The following DISC1 variants were observed in gnomAD, a reference collection of about 807,000 sequenced individuals.
DISC1 encodes the protein DISC1 scaffold protein, also known as disrupted in schizophrenia 1 protein.
A neutral mutation model predicts 84.5 loss-of-function variants in DISC1; 57 were observed. The observed-to-expected ratio is 0.67, with a 90% confidence interval of 0.55 to 0.84. DISC1 has a LOEUF of 0.84. DISC1 is among the 40% of genes least tolerant of loss of function. The probability of loss-of-function intolerance (pLI) is 0.00; values close to 1 mark genes in which losing one functional copy is unlikely to be tolerated. For missense variants in DISC1, 1,000 were observed against 1,057.8 expected (o/e 0.95, Z 0.76); for synonymous variants, 411 against 415.2 (o/e 0.99, Z 0.12).
intron 2 of DISC1, among the ~76,000 whole-genome samples, chr1:231,695,578 T>C (rs1402956774): frequency 6.6e-6 from 1 of 151,752 alleles, no homozygotes; most frequent in Non-Finnish European, 1.5e-5. Flanking sequence ...TGTGTGTGCA[T>C]ATGTGTTTGT....
intron 3 of DISC1, among the ~76,000 whole-genome samples, chr1:231,731,528 C>A (rs918576185): frequency 6.6e-6 from 1 of 152,122 alleles, no homozygotes; most frequent in African/African-American, 2.4e-5. Context: ...CCATTGCCTC[C>A]CTGTTTTAAC....
intron 10 of DISC1, among the ~76,000 whole-genome samples, chr1:232,004,767 A>G (rs1667124702): frequency 6.6e-6 from 1 of 152,166 alleles, no homozygotes; most frequent in Non-Finnish European, 1.5e-5. Flanking sequence ...TGTTGTTTCT[A>G]GTATGGACCA....
At chr1:231,696,065 G>A (rs2125674774) in intron 2 of DISC1, among the ~76,000 whole-genome samples, 1 of 152,202 alleles carries the variant, frequency 6.6e-6, no homozygotes, top group Admixed American at 6.5e-5. Context: ...TCCAATATTG[G>A]TTGATTTGAA....
At chr1:231,988,143 G>A (rs1253118567) in intron 10 of DISC1, among the ~76,000 whole-genome samples, 2 of 152,040 alleles carry the variant, frequency 1.3e-5, no homozygotes, top group Non-Finnish European at 2.9e-5. Context: ...CCGAGATCGC[G>A]CCACTGCACT....
At chr1:231,692,892 T>A (rs1431867707) in intron 1 of DISC1, among the ~76,000 whole-genome samples, 1 of 152,244 alleles carries the variant, frequency 6.6e-6, no homozygotes, top group Non-Finnish European at 1.5e-5. Flanking sequence ...ATGAAATTAA[T>A]GTAAATTAAA....
chr1:231,875,417 G>A (rs1035644066), intron 9 of DISC1, among the ~76,000 whole-genome samples: 3 of 152,116 alleles, frequency 2.0e-5, no homozygotes, highest in South Asian at 2.1e-4. Context: ...CTGCCTGGGC[G>A]CTCTGGCAAT....
chr1:232,005,034 C>G (rs1667231443), intron 10 of DISC1, among the ~76,000 whole-genome samples: 1 of 114,024 alleles, frequency 8.8e-6, no homozygotes, highest in Admixed American at 8.1e-5. Context: ...CCCTCACTCC[C>G]TCCCTCCATC....
intron 10 of DISC1, among the ~76,000 whole-genome samples, chr1:231,967,062 T>C (rs1427542281): frequency 6.6e-6 from 1 of 152,266 alleles, no homozygotes; most frequent in Admixed American, 6.5e-5. Context: ...GATGATCCAG[T>C]TCTCTTTTTA....
intron 6 of DISC1, among the ~76,000 whole-genome samples, chr1:231,782,988 T>TA (rs1008587821): frequency 1.3e-5 from 2 of 152,154 alleles, no homozygotes; most frequent in African/African-American, 4.8e-5. Context: ...GGTATTTATT[T>TA]AAAAACTCAG....
chr1:231,671,965 T>G lies in DISC1; in HGVS notation c.68-21861T>G, dbSNP rs376428176. On this transcript the variant is annotated intron_variant, in intron 1 of 12. Coordinates refer to ENST00000439617, the MANE Select transcript of DISC1 (RefSeq NM_018662.3). ...TGTCAATAAACTTTCCTCCCCAATT[T>G]CTCAATCACTTTGCTCATTTCAGTG... Among the ~76,000 whole-genome samples the G allele has an allele frequency of 1.1e-3, 165 of 152,330 alleles. 5 individuals carry two copies. The South Asian group carries it at 0.033, about 31-fold the overall frequency.
At chr1:231,873,280 G>T (rs1225020083) in intron 9 of DISC1, among the ~76,000 whole-genome samples, 1 of 152,200 alleles carries the variant, frequency 6.6e-6, no homozygotes, top group East Asian at 1.9e-4. Context: ...AGGCACAAGA[G>T]GATCATGCAA....
At position 231,767,150 on chromosome 1, in the gene DISC1, G is replaced by A. The variant is rs1188066758; in HGVS notation, c.1279G>A (p.Asp427Asn). 1 of 1,614,192 alleles carries A rather than the reference G, an allele frequency of 6.2e-7. No individual in the cohort carries two copies. Among genetic ancestry groups the A allele is most frequent in the East Asian group, 2.2e-5 (1 of 44,876 alleles). ...ATGTGTTGTTTTAAGGGCCAGCGGAGATGACACCCACACCCCACTGAGAAT... is the reference window on the plus strand; with the variant it reads ...ATGTGTTGTTTTAAGGGCCAGCGGAAATGACACCCACACCCCACTGAGAAT... ...RRGATQQASG[D>N]DTHTPLRMEP... Residue 427 changes from aspartate to asparagine, a missense_variant, in exon 5 of 13, where the codon GAT becomes AAT. Transcript: ENST00000439617.
chr1:231,721,253 A>C (rs1193216002), intron 3 of DISC1, among the ~76,000 whole-genome samples: 2 of 152,212 alleles, frequency 1.3e-5, no homozygotes, highest in South Asian at 4.1e-4. Context: ...AGTATTGTGG[A>C]TAATGTTATC....
intron 12 of DISC1, among the ~76,000 whole-genome samples, chr1:232,033,008 CTT>C (rs1268438092): frequency 6.6e-6 from 1 of 151,898 alleles, no homozygotes; most frequent in Non-Finnish European, 1.5e-5. Context: ...TTGTAAAACA[CTT>C]TTTTTTAATT....
intron 9 of DISC1, among the ~76,000 whole-genome samples, chr1:231,928,260 A>G (rs890774003): frequency 1.3e-5 from 2 of 152,140 alleles, no homozygotes; most frequent in African/African-American, 4.8e-5. Context: ...TATTTAAACA[A>G]ATGTTCTACA....
chr1:231,713,857 G>GGA (rs1468015120), intron 3 of DISC1, among the ~76,000 whole-genome samples: 1 of 124,706 alleles, frequency 8.0e-6, no homozygotes, highest in Non-Finnish European at 1.8e-5. Flanking sequence ...TATATATATA[G>GGA]GAGATATATA....
intron 1 of DISC1, among the ~76,000 whole-genome samples, chr1:231,641,904 C>G (rs1159108098): frequency 6.6e-6 from 1 of 152,246 alleles, no homozygotes; most frequent in African/African-American, 2.4e-5. Context: ...GATCCCGCAC[C>G]GGGGCTACAG....
At chr1:231,664,105 C>A (rs2061804842) in intron 1 of DISC1, among the ~76,000 whole-genome samples, 1 of 151,996 alleles carries the variant, frequency 6.6e-6, no homozygotes, top group Non-Finnish European at 1.5e-5. Flanking sequence ...GCTTGACCAT[C>A]ACAACAGTCT....
chr1:231,775,529 A>G (rs2076898331), intron 6 of DISC1, among the ~76,000 whole-genome samples: 1 of 152,224 alleles, frequency 6.6e-6, no homozygotes, highest in Non-Finnish European at 1.5e-5. Context: ...TAGCAGGAGG[A>G]GATGAAGTGT....
Sources: gnomAD v4.1 joint callset for allele counts (sites outside exome capture counted in the v4.1 genomes callset) on GRCh38, gnomAD v4.1.1 for gene constraint, MANE v1.5 for transcripts, NCBI Gene and HGNC (gene_info 2026-07-23, HGNC 2026-07-21) for gene names.